The following ANKRD44 variants were observed in gnomAD, a reference collection of about 807,000 sequenced individuals.
ANKRD44 encodes the protein serine/threonine-protein phosphatase 6 regulatory ankyrin repeat subunit B.
ANKRD44 carries 35 observed loss-of-function variants against 116.0 expected under a neutral mutation model. The ratio of observed to expected loss-of-function variants is 0.30; its 90% CI spans 0.23 to 0.40. The LOEUF is 0.40. Among genes scored for constraint, ANKRD44 ranks in the 10% least tolerant of loss-of-function variants. The pLI, the probability that ANKRD44 is intolerant of heterozygous loss-of-function variation, is 1.00. For synonymous variants in ANKRD44, 435 were observed against 461.8 expected (o/e 0.94, Z 0.74); for missense variants, 1,014 against 1,242.6 (o/e 0.82, Z 2.77).
At chr2:197,245,206 G>A (rs2082165762) in intron 1 of ANKRD44, among the ~76,000 whole-genome samples, 1 of 152,184 alleles carries the variant, frequency 6.6e-6, no homozygotes, top group African/African-American at 2.4e-5. Context: ...ATTGCAGTGA[G>A]CCGAGATTGT....
At chr2:197,304,085 C>T (rs1011667902) in intron 1 of ANKRD44, among the ~76,000 whole-genome samples, 1 of 152,160 alleles carries the variant, frequency 6.6e-6, no homozygotes, top group African/African-American at 2.4e-5. Context: ...GCAGGCAGAT[C>T]ACATGAGGCC....
At chr2:197,200,939 T>G (rs947193160) in intron 1 of ANKRD44, among the ~76,000 whole-genome samples, 1 of 152,258 alleles carries the variant, frequency 6.6e-6, no homozygotes, top group African/African-American at 2.4e-5. Context: ...GTTTTAAATT[T>G]TATCAATTGT....
chr2:197,150,557 G>GA (rs945757343), intron 2 of ANKRD44, among the ~76,000 whole-genome samples: 11 of 151,324 alleles, frequency 7.3e-5, no homozygotes, highest in South Asian at 4.2e-4. Flanking sequence ...TCAAAAAAAA[G>GA]AAAAAAAATG....
intron 8 of ANKRD44, among the ~76,000 whole-genome samples, chr2:197,115,623 A>G (rs2078689684): frequency 6.6e-6 from 1 of 152,222 alleles, no homozygotes; most frequent in South Asian, 2.1e-4. Flanking sequence ...AAACAAAGTG[A>G]ACATGTGGAT....
At chr2:197,214,549 T>C (rs1246526054) in intron 1 of ANKRD44, among the ~76,000 whole-genome samples, 1 of 152,230 alleles carries the variant, frequency 6.6e-6, no homozygotes, top group Non-Finnish European at 1.5e-5. Context: ...AGTATTTATG[T>C]CTTAGTGATT....
chr2:197,122,598 A>C (rs1390007745), intron 7 of ANKRD44, 52 bp downstream of exon 7: 2 of 1,572,608 alleles, frequency 1.3e-6, no homozygotes, highest in Middle Eastern at 1.7e-4. Context: ...TTAGAATAAC[A>C]GAAATCTTAC....
chr2:197,053,823 G>GA lies in ANKRD44; in HGVS notation c.1650+24879dup, dbSNP rs199671562. On this transcript the variant is annotated intron_variant, in intron 16 of 27. Coordinates refer to ENST00000282272, the MANE Select transcript of ANKRD44 (RefSeq NM_001195144.2). ...AATATTGATATGGCTATTTATGCTG[G>GA]AAAAGGTAAATAACCAGCCATAATA... 2.5e-3 allele frequency among the ~76,000 whole-genome samples: 378 copies of GA among 152,278 alleles called. 1 individual carries two copies. The highest frequency in any genetic ancestry group is 0.016 in the East Asian group (85 of 5,190).
chr2:197,273,990 T>A (rs1223552283), intron 1 of ANKRD44, among the ~76,000 whole-genome samples: 3,523 of 16,416 alleles, frequency 0.21, 672 homozygotes, highest in Non-Finnish European at 0.3. Context: ...AATATATATA[T>A]ATATATATAT....
At chr2:197,114,243 T>C (rs2078656779) in intron 8 of ANKRD44, among the ~76,000 whole-genome samples, 1 of 152,178 alleles carries the variant, frequency 6.6e-6, no homozygotes, top group Non-Finnish European at 1.5e-5. Context: ...AATTCTTCCA[T>C]CTATTCAAAG....
chr2:197,305,113 T>C (rs1482829485), intron 1 of ANKRD44, among the ~76,000 whole-genome samples: 2 of 152,248 alleles, frequency 1.3e-5, no homozygotes, highest in African/African-American at 2.4e-5. Context: ...AATGATATAG[T>C]CATCCTAGTT....
At chr2:197,001,862 T>C in intron 21 of ANKRD44, 22 bp from the exon 22 acceptor site, 1 of 1,576,494 alleles carries the variant, frequency 6.3e-7, no homozygotes, top group Non-Finnish European at 8.7e-7. Context: ...AAAAATAATT[T>C]AGGGAGTTTC....
At chr2:197,086,069 C>T (rs1336683235) in intron 13 of ANKRD44, among the ~76,000 whole-genome samples, 3 of 151,752 alleles carry the variant, frequency 2.0e-5, no homozygotes, top group Admixed American at 2.0e-4. Flanking sequence ...TTGCCTTAGA[C>T]AAGTTGGTAA....
At chr2:197,304,891 T>C (rs551503468) in intron 1 of ANKRD44, among the ~76,000 whole-genome samples, 1 of 152,342 alleles carries the variant, frequency 6.6e-6, no homozygotes, top group African/African-American at 2.4e-5. Context: ...ATCTTTGTAA[T>C]ACCTGCACCA....
intron 14 of ANKRD44, among the ~76,000 whole-genome samples, chr2:197,083,005 C>T (rs367854141): frequency 4.6e-5 from 7 of 152,274 alleles, no homozygotes; most frequent in African/African-American, 1.7e-4. Context: ...ATGTTTTTGA[C>T]ATATGACATA....
At chr2:197,086,466 A>G (rs1194633491) in intron 13 of ANKRD44, among the ~76,000 whole-genome samples, 1 of 151,168 alleles carries the variant, frequency 6.6e-6, no homozygotes, top group Non-Finnish European at 1.5e-5. Flanking sequence ...GACAATTGGC[A>G]CATCTAAACA....
rs2076092603 is a variant in ANKRD44, at chr2:197,000,361, C to T, written c.2519+58G>A. On this transcript the variant is annotated intron_variant, in intron 23 of 27. Coordinates refer to ENST00000282272, the MANE Select transcript of ANKRD44 (RefSeq NM_001195144.2). ...ACATAGATGTTTGGCTACTCTGCAA[C>T]TGCAAAGCAGAGGGTAAGATTCATC... The T allele has an allele frequency of 3.6e-6, 5 of 1,391,924 alleles. No individual in the cohort carries two copies. In the Admixed American group the frequency reaches 5.2e-5, roughly 14 times the overall value. 86.2% of individuals were successfully genotyped at this position (1,391,924 alleles called of 1,614,324 possible).
intron 5 of ANKRD44, among the ~76,000 whole-genome samples, 158 bp downstream of exon 5, chr2:197,125,679 C>T (rs992519918): frequency 6.6e-6 from 1 of 152,200 alleles, no homozygotes; most frequent in African/African-American, 2.4e-5. Flanking sequence ...TTTTTCAATT[C>T]ATTGTGGCTC....
intron 2 of ANKRD44, among the ~76,000 whole-genome samples, chr2:197,179,764 A>C (rs1283173609): frequency 3.3e-5 from 5 of 152,204 alleles, no homozygotes. Context: ...TCCATAGGAT[A>C]ATTAGTGATG....
intron 1 of ANKRD44, among the ~76,000 whole-genome samples, chr2:197,199,751 C>T (rs1313022342): frequency 3.9e-5 from 6 of 152,126 alleles, no homozygotes; most frequent in African/African-American, 4.8e-5. Context: ...TGGCTTATTT[C>T]CCTCTCTTAC....
Sources: allele counts gnomAD v4.1 joint callset (sites outside exome capture counted in the v4.1 genomes callset), GRCh38; gene constraint gnomAD v4.1.1; transcripts MANE v1.5; gene names NCBI Gene and HGNC (gene_info 2026-07-23, HGNC 2026-07-21).